Variants in PDGFD observed in about 807,000 individuals in gnomAD.
PDGFD encodes platelet derived growth factor D.
In PDGFD, 30 loss-of-function variants were observed where a neutral mutation model predicts 44.7. The observed-to-expected ratio is 0.67, with a 90% CI of 0.50 to 0.91. The LOEUF (loss-of-function observed/expected upper bound fraction) is 0.91. PDGFD is among the 40% of genes least tolerant of loss of function. PDGFD has a pLI of 0.00. For missense variants in PDGFD, 445 were observed against 457.8 expected, an observed-to-expected ratio of 0.97 and a Z score of 0.25; for synonymous variants, 173 against 168.4, an observed-to-expected ratio of 1.03 and a Z score of -0.21.
chr11:103,930,563 A>C (rs550720050), intron 5 of PDGFD, among the ~76,000 whole-genome samples: 1 of 152,244 alleles, frequency 6.6e-6, no homozygotes, highest in South Asian at 2.1e-4. Context: ...AAAAAAAAAA[A>C]AAAACTTGTC....
Position 104,139,618 on chromosome 11 carries a change from C to T in PDGFD, c.124+24186G>A, listed in dbSNP as rs530214103. Among the ~76,000 whole-genome samples the T allele has an allele frequency of 1.3e-3, 198 of 152,238 alleles. 2 individuals are homozygous for T. The highest frequency in any genetic ancestry group is 3.4e-3 in the Middle Eastern group (1 of 294). On this transcript the variant is annotated intron_variant, in intron 1 of 6. Transcript: ENST00000393158. The stretch of plus-strand genomic sequence containing the variant: ...CCCAGTGATTTTTTACTTTAAACAA[C>T]AAAGACTTTACTCACAACATCATTG...
intron 1 of PDGFD, among the ~76,000 whole-genome samples, chr11:104,131,859 T>A (rs1045746837): frequency 2.8e-5 from 4 of 141,402 alleles, no homozygotes; most frequent in African/African-American, 1.0e-4. Flanking sequence ...TACCTTTCGA[T>A]AAGATAATCT....
chr11:104,108,552 C>G (rs1463406856), intron 1 of PDGFD, among the ~76,000 whole-genome samples: 1 of 152,152 alleles, frequency 6.6e-6, no homozygotes, highest in African/African-American at 2.4e-5. Context: ...CAGGAAACAA[C>G]AGGTGCTGGA....
chr11:104,135,681 C>T (rs11226200), intron 1 of PDGFD, among the ~76,000 whole-genome samples: 20,827 of 151,912 alleles, frequency 0.14, 1,615 homozygotes, highest in East Asian at 0.29. Flanking sequence ...TAGAGGATAA[C>T]GGAGGGTGGG....
chr11:104,031,378 A>T (rs1860122260), intron 1 of PDGFD, among the ~76,000 whole-genome samples: 2 of 152,228 alleles, frequency 1.3e-5, no homozygotes, highest in African/African-American at 4.8e-5. Context: ...CGACCAAAAA[A>T]CATATTTAAA....
intron 1 of PDGFD, among the ~76,000 whole-genome samples, chr11:104,086,058 C>T (rs969333503): frequency 7.2e-5 from 11 of 152,092 alleles, no homozygotes; most frequent in Non-Finnish European, 1.5e-4. Context: ...TGAAAGATCG[C>T]GCCTCTGACT....
chr11:103,935,101 C>T (rs1007649914), intron 5 of PDGFD, among the ~76,000 whole-genome samples: 6 of 152,206 alleles, frequency 3.9e-5, no homozygotes, highest in African/African-American at 1.4e-4. Flanking sequence ...TTTGTTCATC[C>T]GACGCTAAAA....
chr11:104,033,071 T>TGC (rs1368442297), intron 1 of PDGFD, among the ~76,000 whole-genome samples: 1 of 150,806 alleles, frequency 6.6e-6, no homozygotes, highest in Non-Finnish European at 1.5e-5. Context: ...TGTGTGTGTG[T>TGC]GTGTAATATA....
intron 3 of PDGFD, among the ~76,000 whole-genome samples, chr11:103,948,969 C>T (rs1004564117): frequency 8.3e-5 from 9 of 108,190 alleles, no homozygotes; most frequent in African/African-American, 3.5e-4. Context: ...AAGAAAGAAA[C>T]CGACTAGACA....
intron 1 of PDGFD, among the ~76,000 whole-genome samples, chr11:104,142,014 C>A (rs556137630): frequency 1.8e-4 from 27 of 152,238 alleles, no homozygotes; most frequent in African/African-American, 5.5e-4. Flanking sequence ...GCCTTATTGT[C>A]TTGGGGTTGG....
intron 5 of PDGFD, among the ~76,000 whole-genome samples, chr11:103,937,501 C>A (rs1396845415): frequency 6.6e-6 from 1 of 152,034 alleles, no homozygotes; most frequent in African/African-American, 2.4e-5. Flanking sequence ...AATAAATATA[C>A]ATTGTCCTTA....
chr11:104,100,149 C>T (rs1037307545), intron 1 of PDGFD, among the ~76,000 whole-genome samples: 3 of 152,270 alleles, frequency 2.0e-5, no homozygotes, highest in Admixed American at 2.0e-4. Flanking sequence ...AGCACTGTCC[C>T]TTTGCCAGAG....
At chr11:104,048,304 A>G (rs1337418524) in intron 1 of PDGFD, among the ~76,000 whole-genome samples, 2 of 152,086 alleles carry the variant, frequency 1.3e-5, no homozygotes, top group African/African-American at 2.4e-5. Flanking sequence ...AATTTTTGCA[A>G]CAATACTTAA....
chr11:103,985,611 A>C (rs149585886), intron 3 of PDGFD, among the ~76,000 whole-genome samples: 1 of 151,934 alleles, frequency 6.6e-6, no homozygotes, highest in East Asian at 1.9e-4. Context: ...AGAGATGAGG[A>C]ATCCTGAGGT....
chr11:103,931,220 T>C (rs1858394890), intron 5 of PDGFD, among the ~76,000 whole-genome samples: 2 of 152,258 alleles, frequency 1.3e-5, no homozygotes. Context: ...TTACCTGTTC[T>C]GGTGGACAGA....
intron 5 of PDGFD, among the ~76,000 whole-genome samples, chr11:103,938,326 G>C (rs1446985766): frequency 6.6e-6 from 1 of 152,148 alleles, no homozygotes; most frequent in Admixed American, 6.6e-5. Context: ...ATTTTTTCAT[G>C]TGTTTTTTGG....
At chr11:104,036,090 AGT>A (rs1860227611) in intron 1 of PDGFD, among the ~76,000 whole-genome samples, 1 of 152,206 alleles carries the variant, frequency 6.6e-6, no homozygotes, top group South Asian at 2.1e-4. Context: ...AAAAAACAAA[AGT>A]ACAAAGAATA....
intron 5 of PDGFD, among the ~76,000 whole-genome samples, chr11:103,940,181 C>A (rs892562375): frequency 6.6e-6 from 1 of 151,954 alleles, no homozygotes; most frequent in Non-Finnish European, 1.5e-5. Context: ...TAAAAAGAAG[C>A]AAAACACATC....
rs145851380 is a variant in PDGFD at position 104,022,832 on chromosome 11, C to T, written c.125-22577G>A. On this transcript the variant is annotated intron_variant, in intron 1 of 6. Coordinates refer to ENST00000393158, the MANE Select transcript of PDGFD (RefSeq NM_025208.5). ...ATATGTATATACACACACATAGACA[C>T]ACACACTCTAAGTTTATAGGCTATT... Among the ~76,000 whole-genome samples, 430 of 152,116 alleles carry T rather than the reference C, an allele frequency of 2.8e-3. 2 individuals carry two copies. The highest frequency in any genetic ancestry group is 4.6e-3 in the Non-Finnish European group (312 of 67,952).
Sources: allele counts gnomAD v4.1 joint callset (sites outside exome capture counted in the v4.1 genomes callset), GRCh38; gene constraint gnomAD v4.1.1; transcripts MANE v1.5; gene names NCBI Gene and HGNC (gene_info 2026-07-23, HGNC 2026-07-21).